TEP1: variants seen among roughly 807,000 people sequenced by gnomAD.
TEP1 encodes telomerase protein component 1.
In TEP1, 241 loss-of-function variants were observed where a neutral mutation model predicts 306.3. That is an observed-to-expected ratio of 0.79 (90% CI 0.71 to 0.88). TEP1 has a LOEUF of 0.88. Ranked by LOEUF, TEP1 falls within the 40% of genes least tolerant of loss-of-function variation. The pLI is 0.00. For missense variants in TEP1, 3,051 were observed against 3,276.1 expected (o/e 0.93, Z 1.68); for synonymous variants, 1,289 against 1,305.5 (o/e 0.99, Z 0.27).
intron 54 of TEP1, 28 bp downstream of exon 54, chr14:20,368,770 A>G (rs753261828): frequency 4.7e-5 from 67 of 1,426,010 alleles, no homozygotes; most frequent in African/African-American, 2.9e-4. Flanking sequence ...GCACGCACAC[A>G]CACACACACA....
In TEP1 at chr14:20,403,402, C is replaced by T. The variant is rs569174414; in HGVS notation, c.1241G>A (p.Gly414Glu). 6.2e-7 allele frequency: 1 copy of T among 1,614,114 alleles called. No homozygotes were observed. The highest frequency in any genetic ancestry group is 1.7e-5 in the Admixed American group (1 of 60,022). ...FSHRCFPRYI[G>E]FLREEQRKFE... ...CTTTCTCTGCTCTTCTCTGAGAAAC[C>T]CTATGTACCTTGGAAAACATCTGTG... The change falls in exon 7 of 55, where the codon GGG becomes GAG. Residue 414 changes from glycine (G) to glutamate (E), a missense_variant. Around this residue, in one of 3 missense-constraint regions of TEP1, gnomAD observed 1,507 missense variants for 1,550.5 expected, o/e 0.97. Transcript: ENST00000262715.
chr14:20,368,764 GCACACACACACACA>G lies in TEP1; in HGVS notation c.7761+20_7761+33del. 3 of 1,343,572 alleles carry G rather than the reference GCACACACACACACA, an allele frequency of 2.2e-6. No homozygotes were observed. Among genetic ancestry groups the G allele is most frequent in the East Asian group, 2.4e-5 (1 of 42,086 alleles). The allele number at this position is 1,343,572 out of a possible 1,614,324, so 83.2% of individuals were successfully genotyped here. A position where few individuals can be genotyped will look rare whatever the true frequency, so the allele number is the denominator to read the frequency against. ...CTTTGGGATAGGTGTGCAGGCGCACGCACACACACACACACACACACACACACACTTACCAGCTG... is the reference window on the plus strand; with the variant it reads ...CTTTGGGATAGGTGTGCAGGCGCACGCACACACACACACACTTACCAGCTG... On this transcript the variant is annotated intron_variant, in intron 54 of 54. Transcript: ENST00000262715.
In TEP1 at chr14:20,386,639, G is replaced by C. The variant is rs1454478519; in HGVS notation, c.2685-16C>G. The C allele has an allele frequency of 6.3e-7, 1 of 1,578,616 alleles. No individual in the cohort carries two copies. The highest frequency in any genetic ancestry group is 1.2e-5 in the South Asian group (1 of 86,122). ...GCTGCGCCATCTGGGGATAAGCAGA[G>C]AGCTGGGCTCAGTCTAGGGATGATT... On this transcript the variant is annotated splice_polypyrimidine_tract_variant and intron_variant, in intron 18 of 54. Transcript: ENST00000262715.
chr14:20,386,083 A>G lies in TEP1; in HGVS notation c.2974T>C (p.Phe992Leu). The G allele has an allele frequency of 6.2e-7, 1 of 1,609,256 alleles. No individual in the cohort carries two copies. Among genetic ancestry groups the G allele is most frequent in the Non-Finnish European group, 8.5e-7 (1 of 1,178,224 alleles). The change falls in exon 20 of 55, where the codon TTC (phenylalanine) becomes CTC (leucine). Residue 992 changes from phenylalanine (F) to leucine (L), a missense_variant. Around this residue, in one of 3 missense-constraint regions of TEP1, gnomAD observed 1,507 missense variants for 1,550.5 expected, o/e 0.97. Coordinates refer to ENST00000262715, the MANE Select transcript of TEP1 (RefSeq NM_007110.5). The part of the protein sequence containing the change: ...PSYNLPDHPH[F>L]HWAQQYPSGR... Reference sequence around the variant, plus strand: ...AAACCTGTCTGCCTTACCCAGTGGAAGTGTGGATGGTCAGGAAGGTTGTAG... The same window carrying G: ...AAACCTGTCTGCCTTACCCAGTGGAGGTGTGGATGGTCAGGAAGGTTGTAG...
chr14:20,397,973 A>G (rs138899774), intron 9 of TEP1, among the ~76,000 whole-genome samples: 7,659 of 151,884 alleles, frequency 0.05, 198 homozygotes, highest in South Asian at 0.077. Context: ...GGCTGGTCTC[A>G]AACTCCCGAT....
At chr14:20,404,392 G>T (rs1227115164) in intron 5 of TEP1, among the ~76,000 whole-genome samples, 1 of 147,152 alleles carries the variant, frequency 6.8e-6, no homozygotes, top group Non-Finnish European at 1.5e-5. Flanking sequence ...TCCAGAATAA[G>T]ACCATTTTTT....
intron 1 of TEP1, among the ~76,000 whole-genome samples, chr14:20,411,244 C>T (rs1161561788): frequency 1.3e-5 from 2 of 152,226 alleles, no homozygotes; most frequent in Non-Finnish European, 2.9e-5. Context: ...TCATCTCTCA[C>T]TAACACCCCG....
chr14:20,382,175 TC>T, intron 29 of TEP1, 48 bp downstream of exon 29: 1 of 1,613,394 alleles, frequency 6.2e-7, no homozygotes, highest in South Asian at 1.1e-5. Flanking sequence ...ACCAATGTAA[TC>T]CGAACCCTGG....
intron 28 of TEP1, 82 bp from the exon 29 acceptor site, chr14:20,382,438 G>C: frequency 6.4e-7 from 1 of 1,557,000 alleles, no homozygotes; most frequent in Non-Finnish European, 8.7e-7. Context: ...GGGGCAGCAG[G>C]AGGACAGTGT....
At chr14:20,382,920 G>A (rs975403701) in intron 27 of TEP1, among the ~76,000 whole-genome samples, 4 of 152,288 alleles carry the variant, frequency 2.6e-5, no homozygotes, top group African/African-American at 7.2e-5. Context: ...CCTGTGGCTC[G>A]GCCTACCCCA....
chr14:20,375,706 G>A, intron 43 of TEP1, 49 bp downstream of exon 43: 1 of 1,267,812 alleles, frequency 7.9e-7, no homozygotes, highest in Non-Finnish European at 1.1e-6. Context: ...GTGTTGTCTT[G>A]CCCCAGGAAC....
Position 20,381,721 on chromosome 14 carries a change from A to C in TEP1, c.4425-35T>G. On this transcript the variant is annotated intron_variant, in intron 30 of 54. Coordinates refer to ENST00000262715, the MANE Select transcript of TEP1 (RefSeq NM_007110.5). The surrounding 1 kb of genome is among the most constrained non-coding windows in gnomAD (Gnocchi z 4.0). ...TGTGAGGAAGGGAGAGAGAAGAAGG[A>C]AGAGGCCTGTCAGTGAGCTTCCTGG... The C allele has an allele frequency of 6.4e-7, 1 of 1,561,526 alleles. No individual in the cohort carries two copies. Among genetic ancestry groups the C allele is most frequent in the Non-Finnish European group, 8.6e-7 (1 of 1,156,310 alleles).
At chr14:20,394,573 G>C (rs1002327045) in intron 12 of TEP1, among the ~76,000 whole-genome samples, 2 of 143,618 alleles carry the variant, frequency 1.4e-5, no homozygotes, top group Non-Finnish European at 3.0e-5. Flanking sequence ...TCCGCCTCCC[G>C]GGTTCAAGTG....
rs764641928 is a variant in TEP1, at chr14:20,382,092, A to G, written c.4274-29T>C. The stretch of plus-strand genomic sequence containing the variant: ...AAAACTCAAGCTCTCTGAGGCCCTC[A>G]TCTAACCATACGGTGTCCCCGCCCC... On this transcript the variant is annotated intron_variant, in intron 29 of 54. Transcript: ENST00000262715. 2.5e-6 allele frequency: 4 copies of G among 1,613,170 alleles called. No homozygotes were observed. In the African/African-American group the frequency reaches 5.3e-5, roughly 22 times the overall value.
rs764373744 is a variant in TEP1, at chr14:20,383,239, G to A, written c.3982C>T (p.Arg1328Trp). Residue 1328 changes from arginine (R) to tryptophan (W), a missense_variant, in exon 27 of 55, where the codon CGG becomes TGG. By Grantham distance (101) the Arg-to-Trp change is moderately radical. Coordinates refer to ENST00000262715, the MANE Select transcript of TEP1 (RefSeq NM_007110.5). ...AGGGCCAGCTCCTCTCTCACCAGCCGGGCCCGAGCAGAGGCCTCCAGAGGC... is the reference window on the plus strand; with the variant it reads ...AGGGCCAGCTCCTCTCTCACCAGCCAGGCCCGAGCAGAGGCCTCCAGAGGC... ...LGPLEASARA[R>W]LVREELALYG... 25 of 1,613,780 alleles carry A rather than the reference G, an allele frequency of 1.5e-5. No homozygotes were observed. Among genetic ancestry groups the A allele is most frequent in the South Asian group, 2.2e-5 (2 of 91,044 alleles).
intron 12 of TEP1, among the ~76,000 whole-genome samples, chr14:20,392,992 G>A (rs1332225163): frequency 2.2e-5 from 3 of 134,478 alleles, no homozygotes; most frequent in East Asian, 2.1e-4. Flanking sequence ...GCCGAGGCGG[G>A]CAGATCACAA....
chr14:20,406,255 T>A lies in TEP1; in HGVS notation c.713A>T (p.Asp238Val), dbSNP rs747385048. The A allele has an allele frequency of 2.1e-5, 34 of 1,614,068 alleles. No homozygotes were observed. Among genetic ancestry groups the A allele is most frequent in the South Asian group, 9.9e-5 (9 of 91,072 alleles). The change falls in exon 3 of 55, where the codon GAC (aspartate) becomes GTC (valine). Residue 238 changes from aspartate to valine, a missense_variant. Physicochemically the swap from Asp to Val is radical, Grantham distance 152. Transcript: ENST00000262715. ...GDSESHPEPTDHVLQEKKMAL... is the reference protein window; with the variant it reads ...GDSESHPEPTVHVLQEKKMAL... ...TACCTTCTTTTCCTGAAGGACATGG[T>A]CAGTAGGCTCTGGATGAGATTCAGA...
chr14:20,378,649 T>C, intron 37 of TEP1, 105 bp downstream of exon 37: 2 of 1,581,536 alleles, frequency 1.3e-6, no homozygotes, highest in South Asian at 1.1e-5. Context: ...GGGAAGGCCT[T>C]CTCTGGCCAG....
At chr14:20,407,757 G>C (rs994405821) in intron 2 of TEP1, 116 bp downstream of exon 2, 16 of 954,140 alleles carry the variant, frequency 1.7e-5, no homozygotes, top group Non-Finnish European at 2.4e-5. Flanking sequence ...GAGGCTCTGA[G>C]GAGAGAAGAT....
Sources: gnomAD v4.1 joint callset for allele counts (sites outside exome capture counted in the v4.1 genomes callset) on GRCh38, gnomAD v4.1.1 for gene constraint, gnomAD v4.1.1 regional missense constraint, Gnocchi (gnomAD v3.1) non-coding constraint, MANE v1.5 for transcripts, NCBI Gene and HGNC (gene_info 2026-07-23, HGNC 2026-07-21) for gene names.